Variants in SENP7 observed in about 807,000 individuals in gnomAD.
The protein encoded by SENP7 is SUMO specific peptidase 7, also known as sentrin-specific protease 7.
Under a neutral mutation model 141.2 loss-of-function variants are expected in SENP7, and 64 were observed. That is an observed-to-expected ratio of 0.45 (90% confidence interval 0.37 to 0.56). The LOEUF (loss-of-function observed/expected upper bound fraction) is 0.56, where lower values mean the gene tolerates loss of function less well. Among genes scored for constraint, SENP7 ranks in the 20% least tolerant of loss-of-function variants. The pLI, the probability that SENP7 is intolerant of heterozygous loss-of-function variation, is 0.00. For missense variants in SENP7, 1,025 were observed against 1,212.2 expected (o/e 0.85, Z 2.29); for synonymous variants, 382 against 426.4 (o/e 0.90, Z 1.28).
rs868282844 is a variant in SENP7, at chr3:101,366,552, G to T, written c.1196C>A (p.Ser399Tyr). ...STTETVENSNSIDIVGISSLV... is the reference protein window; with the variant it reads ...STTETVENSNYIDIVGISSLV... ...GGAAGAAATCCCCACAATATCAATG[G>T]AATTAGAGTTCTCAACGGTTTCAGT... The change falls in exon 9 of 24, where the codon TCC becomes TAC. Residue 399 changes from serine to tyrosine, a missense_variant. This residue lies in a region of SENP7 where 496 missense variants were observed against 503.5 expected (regional missense o/e 0.99). Transcript: ENST00000394095. The T allele has an allele frequency of 6.2e-7, 1 of 1,613,764 alleles. No individual in the cohort carries two copies. The highest frequency in any genetic ancestry group is 1.3e-5 in the African/African-American group (1 of 75,022).
At chr3:101,375,119 G>T (rs1411979017) in intron 6 of SENP7, among the ~76,000 whole-genome samples, 4 of 151,952 alleles carry the variant, frequency 2.6e-5, no homozygotes, top group Admixed American at 1.3e-4. Context: ...ATTAAAAAAA[G>T]TTAAACATTG....
At chr3:101,463,364 AATATATATATATAT>A (rs71625265) in intron 3 of SENP7, among the ~76,000 whole-genome samples, 10 of 89,246 alleles carry the variant, frequency 1.1e-4, no homozygotes, top group East Asian at 3.2e-4. Context: ...TAAATAAATA[AATATATATATATAT>A]ATATATATAT....
intron 4 of SENP7, 96 bp downstream of exon 4, chr3:101,458,859 T>C: frequency 1.5e-6 from 1 of 661,268 alleles, no homozygotes; most frequent in Non-Finnish European, 2.6e-6. Flanking sequence ...ATTTTAAACA[T>C]GTGGTCATAA....
chr3:101,382,701 G>A (rs2060537892), intron 6 of SENP7, among the ~76,000 whole-genome samples: 1 of 152,174 alleles, frequency 6.6e-6, no homozygotes, highest in Non-Finnish European at 1.5e-5. Flanking sequence ...GTAATCTACA[G>A]ACTTGTTCAG....
chr3:101,430,581 CTTCT>C (rs1350987527), intron 4 of SENP7, among the ~76,000 whole-genome samples: 2 of 151,904 alleles, frequency 1.3e-5, no homozygotes, highest in African/African-American at 2.4e-5. Context: ...TTGCTCTTTT[CTTCT>C]TTATTAGTCT....
At chr3:101,370,281 T>C (rs893521080) in intron 7 of SENP7, among the ~76,000 whole-genome samples, 1 of 152,144 alleles carries the variant, frequency 6.6e-6, no homozygotes, top group Admixed American at 6.5e-5. Flanking sequence ...TGAGGACTGT[T>C]AGTCCTCACA....
chr3:101,400,889 G>A (rs1318446482), intron 5 of SENP7, among the ~76,000 whole-genome samples: 3 of 151,908 alleles, frequency 2.0e-5, no homozygotes, highest in Non-Finnish European at 2.9e-5. Context: ...GAGGCCAGGA[G>A]ACTGAGGCCA....
chr3:101,354,085 A>T (rs547863672), intron 11 of SENP7, among the ~76,000 whole-genome samples: 8 of 151,988 alleles, frequency 5.3e-5, no homozygotes, highest in Admixed American at 1.3e-4. Context: ...TATACTTAAA[A>T]TTTTTTTTAA....
At chr3:101,379,035 C>T (rs1559743030) in intron 6 of SENP7, among the ~76,000 whole-genome samples, 2 of 152,176 alleles carry the variant, frequency 1.3e-5, no homozygotes, top group East Asian at 3.9e-4. Context: ...TAAAAACAGA[C>T]ACATAAACCA....
At chr3:101,463,402 T>TATATACAC (rs1553744837) in intron 3 of SENP7, among the ~76,000 whole-genome samples, 27 of 101,242 alleles carry the variant, frequency 2.7e-4, no homozygotes, top group African/African-American at 9.8e-4. Flanking sequence ...TATATACATA[T>TATATACAC]ATATATATAT....
intron 5 of SENP7, among the ~76,000 whole-genome samples, chr3:101,416,188 C>A (rs2061615345): frequency 1.3e-5 from 2 of 152,074 alleles, no homozygotes; most frequent in Admixed American, 6.6e-5. Context: ...ACTAACTGAA[C>A]AATAGACAAC....
intron 4 of SENP7, among the ~76,000 whole-genome samples, chr3:101,446,053 G>C (rs530674498): frequency 6.6e-6 from 1 of 152,120 alleles, no homozygotes; most frequent in Non-Finnish European, 1.5e-5. Flanking sequence ...ATTGGTTCGT[G>C]GGGGAGAATG....
At chr3:101,330,946 T>A (rs1446465252) in intron 19 of SENP7, among the ~76,000 whole-genome samples, 4 of 152,204 alleles carry the variant, frequency 2.6e-5, no homozygotes, top group African/African-American at 9.6e-5. Context: ...GCTTATTTAC[T>A]TTAGATTTTG....
intron 7 of SENP7, among the ~76,000 whole-genome samples, chr3:101,370,643 G>A (rs915021783): frequency 6.6e-6 from 1 of 151,878 alleles, no homozygotes; most frequent in Admixed American, 6.6e-5. Flanking sequence ...TTGCTAGGTT[G>A]AATCTACAGA....
intron 17 of SENP7, among the ~76,000 whole-genome samples, chr3:101,334,903 C>G (rs1034578598): frequency 6.6e-6 from 1 of 152,144 alleles, no homozygotes; most frequent in Non-Finnish European, 1.5e-5. Flanking sequence ...AAATCTTCAA[C>G]TAAATGTCTA....
chr3:101,326,839 C>G (rs1397054652), intron 23 of SENP7, among the ~76,000 whole-genome samples: 3 of 152,080 alleles, frequency 2.0e-5, no homozygotes, highest in Non-Finnish European at 2.9e-5. Flanking sequence ...ACCTTTCAAA[C>G]AGTAAATTAT....
chr3:101,342,983 A>G (rs2059366541), intron 14 of SENP7, among the ~76,000 whole-genome samples: 2 of 152,082 alleles, frequency 1.3e-5, no homozygotes, highest in Admixed American at 1.3e-4. Context: ...ATACTTCTAA[A>G]GAGTACTGGT....
chr3:101,443,469 T>A (rs1005128519), intron 4 of SENP7, among the ~76,000 whole-genome samples: 1 of 150,718 alleles, frequency 6.6e-6, no homozygotes, highest in Non-Finnish European at 1.5e-5. Flanking sequence ...TAAAGTAGTT[T>A]TTTCCAATTC....
At chr3:101,500,955 C>T in intron 2 of SENP7, 115 bp downstream of exon 2, 1 of 717,782 alleles carries the variant, frequency 1.4e-6, no homozygotes, top group Non-Finnish European at 2.3e-6. Flanking sequence ...TCCCAAAACA[C>T]TGACTAAAGT....
Sources: allele counts gnomAD v4.1 joint callset (sites outside exome capture counted in the v4.1 genomes callset), GRCh38; gene constraint gnomAD v4.1.1; regional missense constraint gnomAD v4.1.1; transcripts MANE v1.5; gene names NCBI Gene and HGNC (gene_info 2026-07-23, HGNC 2026-07-21).